The following KNTC1 variants were observed in gnomAD, a reference collection of about 807,000 sequenced individuals.
KNTC1 encodes the protein kinetochore-associated protein 1.
In KNTC1, 253 loss-of-function variants were observed where a neutral mutation model predicts 314.4. That is an observed-to-expected ratio of 0.80 (90% CI 0.73 to 0.89). The LOEUF (loss-of-function observed/expected upper bound fraction) is 0.89. Among genes scored for constraint, KNTC1 ranks in the 40% least tolerant of loss-of-function variants. The pLI is 0.00. For missense variants in KNTC1, 2,475 were observed against 2,572.9 expected, an observed-to-expected ratio of 0.96 and a Z score of 0.82; for synonymous variants, 901 against 901.4, an observed-to-expected ratio of 1.00 and a Z score of 0.01.
At chr12:122,616,637 A>G (rs919991479) in intron 57 of KNTC1, among the ~76,000 whole-genome samples, 1 of 152,194 alleles carries the variant, frequency 6.6e-6, no homozygotes, top group African/African-American at 2.4e-5. Context: ...TGCACACATA[A>G]ATGCAATCAC....
At position 122,586,727 on chromosome 12, in the gene KNTC1, A is replaced by G; in HGVS notation, c.3700A>G (p.Thr1234Ala). Residue 1234 changes from threonine to alanine, a missense_variant, in exon 38 of 64, where the codon ACC becomes GCC. Physicochemically the swap from Thr to Ala is moderately conservative, Grantham distance 58. Transcript: ENST00000333479. ...AAGCAAGAGATATCCCTTGGAGTCT[A>G]CCAGTTTGCCATACTGCTCCCTTAA... ...AESKRYPLES[T>A]SLPYCSLNEG... 6.7e-7 allele frequency: 1 copy of G among 1,496,154 alleles called. No individual in the cohort carries two copies. Among genetic ancestry groups the G allele is most frequent in the Non-Finnish European group, 9.0e-7 (1 of 1,110,734 alleles). The allele number at this position is 1,496,154 out of a possible 1,614,324, so 92.7% of individuals were successfully genotyped here.
chr12:122,624,881 C>T lies in KNTC1; in HGVS notation c.6606+193C>T, dbSNP rs1215738441. The T allele has an allele frequency of 9.0e-6, 5 of 554,568 alleles. No individual in the cohort carries two copies. The East Asian group carries it at 1.5e-4, about 16-fold the overall frequency. 34.4% of individuals were successfully genotyped at this position (554,568 alleles called of 1,614,324 possible). ...AGAGACCACAGTTCTAATCTCAGCC[C>T]TGCCACTGGGCAGCAAAGCCTAATG... On this transcript the variant is annotated intron_variant, in intron 63 of 63. Transcript: ENST00000333479.
chr12:122,553,257 C>A (rs1445201158), intron 16 of KNTC1, among the ~76,000 whole-genome samples: 1 of 151,980 alleles, frequency 6.6e-6, no homozygotes, highest in Non-Finnish European at 1.5e-5. Flanking sequence ...ACTTGCTTTA[C>A]TCTGGCTAAG....
In KNTC1 at chr12:122,591,430, G is replaced by T. The variant is rs757708469; in HGVS notation, c.4222G>T (p.Gly1408Cys). Reference sequence around the variant, plus strand: ...TGAACTCAGTACTGATGCCCAGTGGGGCATTCGTCTTGGTAAACTTGGTGT... The same window carrying T: ...TGAACTCAGTACTGATGCCCAGTGGTGCATTCGTCTTGGTAAACTTGGTGT... ...FRELSTDAQWGIRLGKLGISF... is the reference protein window; with the variant it reads ...FRELSTDAQWCIRLGKLGISF... The change falls in exon 42 of 64, where the codon GGC becomes TGC. Residue 1408 changes from glycine to cysteine, a missense_variant. Gly to Cys is a radical substitution (Grantham distance 159, BLOSUM62 -3). Transcript: ENST00000333479. 6.3e-7 allele frequency: 1 copy of T among 1,591,058 alleles called. No individual in the cohort carries two copies. The highest frequency in any genetic ancestry group is 8.6e-7 in the Non-Finnish European group (1 of 1,161,324).
At chr12:122,528,693 G>A (rs933841467) in intron 1 of KNTC1, among the ~76,000 whole-genome samples, 1 of 152,178 alleles carries the variant, frequency 6.6e-6, no homozygotes, top group Non-Finnish European at 1.5e-5. Flanking sequence ...TCATTAAATG[G>A]CATAGTATTT....
chr12:122,543,632 A>G lies in KNTC1; in HGVS notation c.556A>G (p.Lys186Glu), dbSNP rs1361033131. Residue 186 changes from lysine to glutamate, a missense_variant and splice_region_variant, in exon 7 of 64, where the codon AAG becomes GAG. By Grantham distance (56) the Lys-to-Glu change is moderately conservative (BLOSUM62 1). Coordinates refer to ENST00000333479, the MANE Select transcript of KNTC1 (RefSeq NM_014708.6). ...IENVDFSTAK[K>E]LQGQIKSSFI... ...GAATGTAGACTTCAGTACAGCAAAA[A>G]AGGTAAGAAAATAAATCCATATTGT... 2 of 1,550,214 alleles carry G rather than the reference A, an allele frequency of 1.3e-6. No individual in the cohort carries two copies. Among genetic ancestry groups the G allele is most frequent in the Non-Finnish European group, 1.7e-6 (2 of 1,143,332 alleles).
intron 11 of KNTC1, 66 bp downstream of exon 11, chr12:122,547,596 G>A: frequency 1.0e-6 from 1 of 1,002,306 alleles, no homozygotes; most frequent in Non-Finnish European, 1.5e-6. Context: ...GTCTGGTTTT[G>A]TTCAGGTCAT....
In KNTC1 at chr12:122,563,213, C is replaced by G. The variant is rs529963347; in HGVS notation, c.1604+514C>G. ...TGAGACAGGGTCTCACTCTGTCACC[C>G]AGGTTCGAGTGCAGTGGTGCGATCA... On this transcript the variant is annotated intron_variant, in intron 20 of 63. Coordinates refer to ENST00000333479, the MANE Select transcript of KNTC1 (RefSeq NM_014708.6). Among the ~76,000 whole-genome samples the G allele has an allele frequency of 2.0e-5, 3 of 152,048 alleles. No homozygotes were observed. In the East Asian group the frequency reaches 5.8e-4, roughly 29 times the overall value.
chr12:122,613,243 G>A lies in KNTC1; in HGVS notation c.5741+13G>A, dbSNP rs1368608541. 1.4e-6 allele frequency: 2 copies of A among 1,473,664 alleles called. No individual in the cohort carries two copies. The highest frequency in any genetic ancestry group is 1.7e-5 in the Admixed American group (1 of 57,346). The allele number at this position is 1,473,664 out of a possible 1,614,324, so 91.3% of individuals were successfully genotyped here. A position where few individuals can be genotyped will look rare whatever the true frequency, so the allele number is the denominator to read the frequency against. On this transcript the variant is annotated intron_variant, in intron 54 of 63. Coordinates refer to ENST00000333479, the MANE Select transcript of KNTC1 (RefSeq NM_014708.6). ...TTGAAGAAGTGAAGTAAGTAGAAAT[G>A]TTTAAATTGTATTAAGAAATAGGAA...
chr12:122,530,810 C>CT (rs1961253171), intron 2 of KNTC1, among the ~76,000 whole-genome samples: 1 of 152,184 alleles, frequency 6.6e-6, no homozygotes, highest in Non-Finnish European at 1.5e-5. Context: ...GTTGAAGGCT[C>CT]TGAGGGTCCA....
chr12:122,581,289 C>G (rs1376084089), intron 33 of KNTC1, among the ~76,000 whole-genome samples: 1 of 150,254 alleles, frequency 6.7e-6, no homozygotes, highest in East Asian at 2.0e-4. Flanking sequence ...ACCTCCACCT[C>G]CCAGGTTCAA....
intron 43 of KNTC1, 72 bp from the exon 44 acceptor site, chr12:122,597,659 T>A (rs780021130): frequency 2.4e-6 from 3 of 1,236,942 alleles, no homozygotes; most frequent in Non-Finnish European, 3.6e-6. Flanking sequence ...TGTACCCAAG[T>A]GTTTTGTCAG....
At position 122,614,650 on chromosome 12, in the gene KNTC1, G is replaced by A. The variant is rs551661293; in HGVS notation, c.5878-341G>A. Among the ~76,000 whole-genome samples the A allele has an allele frequency of 2.6e-5, 4 of 152,226 alleles. No homozygotes were observed. In the South Asian group the frequency reaches 8.3e-4, roughly 32 times the overall value. ...AATCTCAGTACTTTGGGAGGCCGAG[G>A]CAGGTAGAGCACTTCAGGTCAGGAG... On this transcript the variant is annotated intron_variant, in intron 55 of 63. Coordinates refer to ENST00000333479, the MANE Select transcript of KNTC1 (RefSeq NM_014708.6).
chr12:122,557,887 T>C (rs558531860), intron 18 of KNTC1, among the ~76,000 whole-genome samples, 198 bp downstream of exon 18: 1 of 152,324 alleles, frequency 6.6e-6, no homozygotes, highest in South Asian at 2.1e-4. Flanking sequence ...TCAGTGGTTT[T>C]TAATATATTC....
At position 122,549,799 on chromosome 12, in the gene KNTC1, A is replaced by G. The variant is rs1007356503; in HGVS notation, c.1021A>G (p.Met341Val). ...KNLMVYSLPT[M>V]EILYSLEVSS... ...CCTCATGGTTTATTCATTACCTACA[A>G]TGGAAATACTATATTCTTTGGAAGT... is the stretch of plus-strand genomic sequence containing the variant. Residue 341 changes from methionine (M) to valine (V), a missense_variant, in exon 13 of 64, where the codon ATG becomes GTG. Transcript: ENST00000333479. 2 of 1,559,112 alleles carry G rather than the reference A, an allele frequency of 1.3e-6. No homozygotes were observed. The highest frequency in any genetic ancestry group is 1.8e-6 in the Non-Finnish European group (2 of 1,141,530).
At chr12:122,562,065 G>A in intron 19 of KNTC1, 91 bp downstream of exon 19, 1 of 1,286,604 alleles carries the variant, frequency 7.8e-7, no homozygotes, top group Non-Finnish European at 1.1e-6. Flanking sequence ...TTTATCAAGA[G>A]CAAGTTATTT....
At chr12:122,618,568 C>CAAAA in intron 59 of KNTC1, 23 bp downstream of exon 59, 2 of 1,312,830 alleles carry the variant, frequency 1.5e-6, no homozygotes, top group Non-Finnish European at 2.1e-6. Context: ...TTTGTTCTAC[C>CAAAA]AAAAAAAAAA....
In KNTC1 at chr12:122,534,792, T is replaced by C. The variant is rs779507107; in HGVS notation, c.250+8T>C. 2 of 1,611,822 alleles carry C rather than the reference T, an allele frequency of 1.2e-6. No individual in the cohort carries two copies. Among genetic ancestry groups the C allele is most frequent in the Middle Eastern group, 1.7e-4 (1 of 6,054 alleles). On this transcript the variant is annotated splice_region_variant and intron_variant, in intron 3 of 63. Coordinates refer to ENST00000333479, the MANE Select transcript of KNTC1 (RefSeq NM_014708.6). Reference sequence around the variant, plus strand: ...AATTGCATCTTGTCTTTGGTAAGTATAATGTAGTGAATGAAGTAAGATAAA... The same window carrying C: ...AATTGCATCTTGTCTTTGGTAAGTACAATGTAGTGAATGAAGTAAGATAAA...
chr12:122,623,835 G>A (rs1874702862), intron 62 of KNTC1, among the ~76,000 whole-genome samples: 1 of 152,278 alleles, frequency 6.6e-6, no homozygotes, highest in African/African-American at 2.4e-5. Flanking sequence ...GGGAGGCCGA[G>A]GCGGGTGGAT....
Sources: allele counts gnomAD v4.1 joint callset (sites outside exome capture counted in the v4.1 genomes callset), GRCh38; gene constraint gnomAD v4.1.1; transcripts MANE v1.5; gene names NCBI Gene and HGNC (gene_info 2026-07-23, HGNC 2026-07-21).